GLI3: variants seen among roughly 807,000 people sequenced by gnomAD.
GLI3 encodes the protein transcription activator GLI3.
Under a neutral mutation model 100.8 loss-of-function variants are expected in GLI3, and 20 were observed. That is an observed-to-expected ratio of 0.20 (90% confidence interval 0.14 to 0.29). The LOEUF (loss-of-function observed/expected upper bound fraction) is 0.29, where lower values mean the gene tolerates loss of function less well. Ranked by LOEUF, GLI3 falls within the 10% of genes least tolerant of loss-of-function variation. The pLI is 1.00. For missense variants in GLI3, 2,040 were observed against 2,128.5 expected, an observed-to-expected ratio of 0.96 and a Z score of 0.82; for synonymous variants, 938 against 860.5, an observed-to-expected ratio of 1.09 and a Z score of -1.58.
chr7:42,082,004 G>A (rs1238799742), intron 3 of GLI3, among the ~76,000 whole-genome samples: 1 of 152,036 alleles, frequency 6.6e-6, no homozygotes. Context: ...TGTCATTAGA[G>A]TTAGTCCAGC....
chr7:42,165,300 C>G (rs1424047649), intron 2 of GLI3, among the ~76,000 whole-genome samples: 1 of 152,098 alleles, frequency 6.6e-6, no homozygotes, highest in East Asian at 1.9e-4. Context: ...ATAGAAACCA[C>G]AGAAACCAGC....
intron 3 of GLI3, among the ~76,000 whole-genome samples, chr7:42,144,090 G>A (rs1354149689): frequency 6.6e-6 from 1 of 152,120 alleles, no homozygotes; most frequent in African/African-American, 2.4e-5. Context: ...GTTAAGTGTC[G>A]GCCAGGGTAC....
At position 41,964,339 on chromosome 7, in the gene GLI3, A is replaced by T. The variant is rs752035373; in HGVS notation, c.4734T>A (p.Val1578=). 9 of 1,613,972 alleles carry T rather than the reference A, an allele frequency of 5.6e-6. No homozygotes were observed. Among genetic ancestry groups the T allele is most frequent in the Admixed American group, 1.7e-5 (1 of 60,032 alleles). ...SLAEESKFLA[V]MQ ...CTTTTTTTCCTAAAGCCTATTGCAT[A>T]ACTGCAAGGAATTTGCTTTCTTCCG... The change falls in exon 15 of 15, where the codon GTT becomes GTA. Residue 1578 remains valine, a synonymous_variant. Coordinates refer to ENST00000395925, the MANE Select transcript of GLI3 (RefSeq NM_000168.6).
At chr7:42,058,306 A>G (rs1784502515) in intron 4 of GLI3, among the ~76,000 whole-genome samples, 1 of 152,138 alleles carries the variant, frequency 6.6e-6, no homozygotes, top group Non-Finnish European at 1.5e-5. Flanking sequence ...TATTTCTAGA[A>G]CTGTTAAGTT....
At position 42,249,008 on chromosome 7, in the gene GLI3, G is replaced by T. The variant is rs112967104; in HGVS notation, c.-43+14986C>A. On this transcript the variant is annotated intron_variant, in intron 1 of 2. Transcript: ENST00000678978. Reference sequence around the variant, plus strand: ...CCATTCACCTCAGCCTCCCAAAGTGGCTGGGATTGATTACAGGCATGAGCC... The same window carrying T: ...CCATTCACCTCAGCCTCCCAAAGTGTCTGGGATTGATTACAGGCATGAGCC... Among the ~76,000 whole-genome samples, 953 of 152,142 alleles carry T rather than the reference G, an allele frequency of 6.3e-3. 8 individuals carry two copies. The highest frequency in any genetic ancestry group is 0.021 in the African/African-American group (869 of 41,522).
Position 41,965,211 on chromosome 7 carries a change from C to T in GLI3, c.3862G>A (p.Gly1288Arg), listed in dbSNP as rs753200070. 4 of 1,613,936 alleles carry T rather than the reference C, an allele frequency of 2.5e-6. No homozygotes were observed. The Admixed American group carries it at 6.7e-5, about 27-fold the overall frequency. ...ASKLKSTPMQ[G>R]SGGQLNFGLP... The stretch of plus-strand genomic sequence containing the variant: ...CCGAAATTCAGCTGGCCCCCGCTCC[C>T]TTGCATGGGGGTGCTCTTCAGCTTT... The change falls in exon 15 of 15, where the codon GGG (glycine) becomes AGG (arginine). Residue 1288 changes from glycine (G) to arginine (R), a missense_variant. Coordinates refer to ENST00000395925, the MANE Select transcript of GLI3 (RefSeq NM_000168.6).
Position 41,966,407 on chromosome 7 carries a change from A to G in GLI3, c.2666T>C (p.Val889Ala), listed in dbSNP as rs759079969. Residue 889 changes from valine (V) to alanine (A), a missense_variant, in exon 15 of 15, where the codon GTG (valine) becomes GCG (alanine). Val to Ala is a moderately conservative substitution (Grantham distance 64). Around this residue, in one of 5 missense-constraint regions of GLI3, gnomAD observed 327 missense variants for 338.7 expected, o/e 0.97. Transcript: ENST00000395925. This position sits in a 1 kb window ranked among gnomAD's most constrained non-coding sequence, Gnocchi z 5.8. ...GGGGTCGTAGGAGTCGGCCACGCTC[A>G]CGTTCTGCGGCCGGCCCTCGGCCTG... The part of the protein sequence containing the change: ...ASQAEGRPQN[V>A]SVADSYDPIS... 1.9e-6 allele frequency: 3 copies of G among 1,611,544 alleles called. No individual in the cohort carries two copies. The East Asian group carries it at 6.7e-5, about 36-fold the overall frequency.
chr7:42,129,978 G>T (rs796410524), intron 3 of GLI3, among the ~76,000 whole-genome samples: 2 of 152,212 alleles, frequency 1.3e-5, no homozygotes, highest in African/African-American at 4.8e-5. Context: ...ACTTTCCTGG[G>T]AAAGTGAAGG....
intron 2 of GLI3, among the ~76,000 whole-genome samples, chr7:42,194,759 C>CTTTTTTTTTTTTTTT (rs61524545): frequency 8.3e-5 from 9 of 108,980 alleles, no homozygotes; most frequent in Non-Finnish European, 1.1e-4. Context: ...CTCTCTGTCT[C>CTTTTTTTTTTTTTTT]TTTTTTTTTT....
At chr7:42,104,813 G>A (rs1019798053) in intron 3 of GLI3, among the ~76,000 whole-genome samples, 40 of 152,250 alleles carry the variant, frequency 2.6e-4, no homozygotes, top group Admixed American at 7.2e-4. Context: ...CCTATTGGCC[G>A]TTCCACCACG....
At chr7:42,211,012 T>G (rs558874185) in intron 2 of GLI3, among the ~76,000 whole-genome samples, 1 of 152,394 alleles carries the variant, frequency 6.6e-6, no homozygotes, top group Non-Finnish European at 1.5e-5. Context: ...TGAATACACA[T>G]GTAGACAGAC....
intron 7 of GLI3, among the ~76,000 whole-genome samples, chr7:42,034,446 G>A (rs190103188): frequency 6.6e-6 from 1 of 152,260 alleles, no homozygotes; most frequent in Non-Finnish European, 1.5e-5. Context: ...TGCTCTTCCA[G>A]ATCTAAGGCC....
intron 13 of GLI3, among the ~76,000 whole-genome samples, chr7:41,968,268 C>T (rs926804230): frequency 1.4e-4 from 22 of 152,280 alleles, no homozygotes; most frequent in African/African-American, 4.3e-4. Flanking sequence ...CATTACTTAG[C>T]CACTCTAAAC....
chr7:42,103,709 C>T (rs927917858), intron 3 of GLI3, among the ~76,000 whole-genome samples: 1 of 151,008 alleles, frequency 6.6e-6, no homozygotes, highest in African/African-American at 2.4e-5. Flanking sequence ...CAGCTGCGAA[C>T]ACTGAGGCAT....
At position 42,165,903 on chromosome 7, in the gene GLI3, G is replaced by A. The variant is rs13244526; in HGVS notation, c.125-17435C>T. On this transcript the variant is annotated intron_variant, in intron 2 of 14. Transcript: ENST00000395925. Reference sequence around the variant, plus strand: ...CAGATGCTTGGCAAATCCAAAAATCGCATATATTAAATCTTAATGTCAAGA... The same window carrying A: ...CAGATGCTTGGCAAATCCAAAAATCACATATATTAAATCTTAATGTCAAGA... Among the ~76,000 whole-genome samples, 302 of 152,222 alleles carry A rather than the reference G, an allele frequency of 2.0e-3. 1 individual carries two copies. Among genetic ancestry groups the A allele is most frequent in the Non-Finnish European group, 3.5e-3 (236 of 68,008 alleles).
intron 1 of GLI3, among the ~76,000 whole-genome samples, chr7:42,232,110 TC>T (rs1788705968): frequency 6.7e-6 from 1 of 149,874 alleles, no homozygotes; most frequent in African/African-American, 2.5e-5. Context: ...TGTGCCACCC[TC>T]CCCCACCACC....
intron 1 of GLI3, among the ~76,000 whole-genome samples, chr7:42,247,715 T>C (rs1245009963): frequency 6.6e-6 from 1 of 152,232 alleles, no homozygotes; most frequent in East Asian, 1.9e-4. Flanking sequence ...ACCCTTCTAC[T>C]GCACTATGCT....
At chr7:41,974,931 T>C (rs1472612196) in intron 12 of GLI3, among the ~76,000 whole-genome samples, 1 of 152,186 alleles carries the variant, frequency 6.6e-6, no homozygotes, top group Non-Finnish European at 1.5e-5. Context: ...TTCATGGTCA[T>C]GATAGTGAGA....
intron 2 of GLI3, among the ~76,000 whole-genome samples, chr7:42,222,235 T>C (rs1391822594): frequency 1.3e-5 from 2 of 152,040 alleles, no homozygotes; most frequent in Non-Finnish European, 2.9e-5. Flanking sequence ...ATATAGAAAA[T>C]ATAAGAATAG....
Sources: allele counts gnomAD v4.1 joint callset (sites outside exome capture counted in the v4.1 genomes callset), GRCh38; gene constraint gnomAD v4.1.1; regional missense constraint gnomAD v4.1.1; non-coding constraint Gnocchi (gnomAD v3.1); transcripts MANE v1.5; gene names NCBI Gene and HGNC (gene_info 2026-07-23, HGNC 2026-07-21).